The following ITGBL1 variants were observed in gnomAD, a reference collection of about 807,000 sequenced individuals.
ITGBL1 encodes integrin beta-like protein 1.
ITGBL1 carries 51 observed loss-of-function variants against 68.5 expected under a neutral mutation model. The ratio of observed to expected loss-of-function variants is 0.74; its 90% CI spans 0.59 to 0.94. The LOEUF (loss-of-function observed/expected upper bound fraction) is 0.94, where lower values mean the gene tolerates loss of function less well. Ranked by LOEUF, ITGBL1 falls within the 40% of genes least tolerant of loss-of-function variation. ITGBL1 has a pLI of 0.00. For synonymous variants in ITGBL1, 209 were observed against 227.3 expected (o/e 0.92, Z 0.72); for missense variants, 649 against 647.4 (o/e 1.00, Z -0.03).
downstream of ITGBL1, chr13:101,720,525 T>A (rs1432498229): frequency 3.8e-5 from 5 of 131,510 alleles, no homozygotes; most frequent in African/African-American, 1.5e-4. Flanking sequence ...ATGGGGGTGT[T>A]TGCTCTGTGT....
intron 2 of ITGBL1, among the ~76,000 whole-genome samples, chr13:101,525,827 A>G (rs768312084): frequency 1.3e-5 from 2 of 152,060 alleles, no homozygotes; most frequent in Middle Eastern, 3.2e-3. Flanking sequence ...ATTATTAAGC[A>G]TTTAAATATA....
chr13:101,491,543 A>G (rs2048776888), intron 2 of ITGBL1, among the ~76,000 whole-genome samples: 1 of 152,196 alleles, frequency 6.6e-6, no homozygotes. Context: ...TTCTTATGCC[A>G]CACATTCTTC....
chr13:101,550,563 G>A (rs905457521), intron 2 of ITGBL1, among the ~76,000 whole-genome samples: 5 of 152,148 alleles, frequency 3.3e-5, no homozygotes, highest in Non-Finnish European at 5.9e-5. Flanking sequence ...GCCAGAATCC[G>A]TGAAACTGTG....
intron 7 of ITGBL1, among the ~76,000 whole-genome samples, chr13:101,602,418 A>C (rs1156380964): frequency 6.6e-6 from 1 of 152,040 alleles, no homozygotes; most frequent in African/African-American, 2.4e-5. Flanking sequence ...CACTTCCCAC[A>C]TGAGAATAAC....
chr13:101,717,552 C>T (rs1056344174), downstream of ITGBL1: 2 of 152,142 alleles, frequency 1.3e-5, no homozygotes, highest in Admixed American at 1.3e-4. Flanking sequence ...ATTACATTAT[C>T]TAGCCATCGT....
intron 7 of ITGBL1, among the ~76,000 whole-genome samples, chr13:101,598,733 G>A (rs1040397468): frequency 2.0e-5 from 3 of 152,022 alleles, no homozygotes; most frequent in Admixed American, 2.0e-4. Flanking sequence ...ATGGTTTCCA[G>A]TTTCATCCAT....
At chr13:101,572,491 G>T (rs114413278) in intron 3 of ITGBL1, among the ~76,000 whole-genome samples, 268 of 152,164 alleles carry the variant, frequency 1.8e-3, no homozygotes, top group African/African-American at 6.1e-3. Flanking sequence ...GTTCTATTGG[G>T]CACTATGAAA....
intron 2 of ITGBL1, among the ~76,000 whole-genome samples, chr13:101,528,466 T>C (rs2049418257): frequency 6.6e-6 from 1 of 151,910 alleles, no homozygotes. Flanking sequence ...TTTGTTTTTT[T>C]ATTTCCTTTA....
intron 9 of ITGBL1, 47 bp downstream of exon 9, chr13:101,706,949 T>G: frequency 6.3e-7 from 1 of 1,585,244 alleles, no homozygotes; most frequent in South Asian, 1.1e-5. Context: ...TTCTGACACA[T>G]GATTTGTAGA....
At chr13:101,699,527 T>C (rs978526615) in intron 8 of ITGBL1, among the ~76,000 whole-genome samples, 6 of 152,106 alleles carry the variant, frequency 3.9e-5, no homozygotes, top group African/African-American at 1.4e-4. Context: ...ATCTGAAGGT[T>C]TTATAAGGGG....
chr13:101,664,859 C>A (rs1228306212), intron 7 of ITGBL1, among the ~76,000 whole-genome samples: 1 of 152,132 alleles, frequency 6.6e-6, no homozygotes, highest in Non-Finnish European at 1.5e-5. Flanking sequence ...TCAGCCTCCC[C>A]AGTAGCTGGG....
At chr13:101,645,741 A>G (rs554809525) in intron 7 of ITGBL1, among the ~76,000 whole-genome samples, 1 of 152,308 alleles carries the variant, frequency 6.6e-6, no homozygotes, top group African/African-American at 2.4e-5. Flanking sequence ...GCATAGCATG[A>G]GGTTCATGCC....
intron 8 of ITGBL1, among the ~76,000 whole-genome samples, chr13:101,697,070 C>T (rs1038431694): frequency 6.6e-6 from 1 of 151,438 alleles, no homozygotes; most frequent in Non-Finnish European, 1.5e-5. Context: ...AGCTCTTTCT[C>T]AGCTGCTTCT....
intron 2 of ITGBL1, among the ~76,000 whole-genome samples, chr13:101,467,090 T>C (rs940079755): frequency 2.0e-5 from 3 of 152,186 alleles, no homozygotes; most frequent in Non-Finnish European, 4.4e-5. Flanking sequence ...GCCTCTTTTA[T>C]AAGGGCACTA....
chr13:101,553,539 G>A (rs936214153), intron 2 of ITGBL1, among the ~76,000 whole-genome samples: 4 of 152,136 alleles, frequency 2.6e-5, no homozygotes, highest in African/African-American at 9.7e-5. Context: ...ATAACAGAGT[G>A]CCACAAACGG....
At chr13:101,544,572 T>C (rs7337168) in intron 2 of ITGBL1, among the ~76,000 whole-genome samples, 123,779 of 152,152 alleles carry the variant, frequency 0.81, 50,551 homozygotes, top group African/African-American at 0.9. Context: ...CCACTACTCT[T>C]TTCAAAGCTA....
In ITGBL1 at chr13:101,598,272, A is replaced by C. The variant is rs770373108; in HGVS notation, c.988A>C (p.Ser330Arg). 1.9e-6 allele frequency: 3 copies of C among 1,613,064 alleles called. No homozygotes were observed. Among genetic ancestry groups the C allele is most frequent in the Non-Finnish European group, 1.7e-6 (2 of 1,179,624 alleles). ...GGAGAGCATCAGGAAGTGCCAGGGA[A>C]GCTCGGATCTGCCTTGCTCTGGGAG... ...AEESIRKCQGSSDLPCSGRGK... is the reference protein window; with the variant it reads ...AEESIRKCQGRSDLPCSGRGK... The change falls in exon 7 of 11, where the codon AGC becomes CGC. Residue 330 changes from serine (S) to arginine (R), a missense_variant. Ser to Arg is a moderately radical substitution (Grantham distance 110). Coordinates refer to ENST00000376180, the MANE Select transcript of ITGBL1 (RefSeq NM_004791.3).
At chr13:101,475,691 C>A (rs968129447) in intron 2 of ITGBL1, among the ~76,000 whole-genome samples, 2 of 150,688 alleles carry the variant, frequency 1.3e-5, no homozygotes, top group South Asian at 4.2e-4. Context: ...AGAAAAGAAA[C>A]AAGTAACATT....
intron 2 of ITGBL1, among the ~76,000 whole-genome samples, chr13:101,561,820 A>G (rs953003988): frequency 6.6e-6 from 1 of 152,204 alleles, no homozygotes; most frequent in Non-Finnish European, 1.5e-5. Context: ...CCCTAAATAA[A>G]TGTAAAGGAA....
Sources: allele counts gnomAD v4.1 joint callset (sites outside exome capture counted in the v4.1 genomes callset), GRCh38; gene constraint gnomAD v4.1.1; transcripts MANE v1.5; gene names NCBI Gene and HGNC (gene_info 2026-07-23, HGNC 2026-07-21).